DNM1L: variants seen among roughly 807,000 people sequenced by gnomAD.
DNM1L encodes dynamin-1-like protein.
A neutral mutation model predicts 92.8 loss-of-function variants in DNM1L; 33 were observed. The observed-to-expected ratio is 0.36, with a 90% CI of 0.27 to 0.48. The LOEUF (loss-of-function observed/expected upper bound fraction) is 0.48, where lower values mean the gene tolerates loss of function less well. DNM1L is among the 20% of genes least tolerant of loss of function. DNM1L has a pLI of 0.99. For missense variants in DNM1L, 485 were observed against 888.8 expected (o/e 0.55, Z 5.78); for synonymous variants, 284 against 305.0 (o/e 0.93, Z 0.72).
chr12:32,704,142 A>G (rs934374676), intron 2 of DNM1L, among the ~76,000 whole-genome samples: 1 of 152,190 alleles, frequency 6.6e-6, no homozygotes, highest in African/African-American at 2.4e-5. Context: ...TGTGCTATAT[A>G]TGATACTTCT....
chr12:32,739,774 AGAG>A (rs1359659248), intron 16 of DNM1L: 3 of 371,470 alleles, frequency 8.1e-6, no homozygotes, highest in African/African-American at 6.1e-5. Flanking sequence ...GGGTGGGAGA[AGAG>A]GAACGATTTT....
intron 1 of DNM1L, among the ~76,000 whole-genome samples, chr12:32,699,967 TAAATG>T (rs944535147): frequency 1.2e-4 from 17 of 144,500 alleles, no homozygotes; most frequent in Admixed American, 4.1e-4. Context: ...CAATTTAACT[TAAATG>T]AACTAAATCT....
chr12:32,708,774 T>C (rs372287380), intron 4 of DNM1L, among the ~76,000 whole-genome samples: 51 of 152,248 alleles, frequency 3.3e-4, no homozygotes, highest in East Asian at 1.9e-3. Flanking sequence ...AAGTAAGTTA[T>C]GTATCTAAGA....
At chr12:32,696,390 A>ACACG (rs1056796234) in intron 1 of DNM1L, among the ~76,000 whole-genome samples, 3 of 146,394 alleles carry the variant, frequency 2.0e-5, no homozygotes, top group African/African-American at 8.0e-5. Flanking sequence ...ACAAACACAC[A>ACACG]CACACACACA....
At chr12:32,681,936 G>A (rs904186100) in intron 1 of DNM1L, among the ~76,000 whole-genome samples, 2 of 151,986 alleles carry the variant, frequency 1.3e-5, no homozygotes, top group African/African-American at 4.8e-5. Flanking sequence ...TGAGGCTGCA[G>A]TGAGCTATGA....
chr12:32,743,362 A>G lies in DNM1L; in HGVS notation c.2163A>G (p.Gln721=). 6.2e-7 allele frequency: 1 copy of G among 1,613,960 alleles called. No individual in the cohort carries two copies. The change falls in exon 20 of 20, where the codon CAA becomes CAG. Residue 721 remains glutamine (Q), a synonymous_variant. Transcript: ENST00000549701. ...KEAADMLKAL[Q]GASQIIAEIR... Reference sequence around the variant, plus strand: ...TTTTTCCTTTAATGCAGGCATTACAAGGAGCCAGTCAAATTATTGCTGAAA... The same window carrying G: ...TTTTTCCTTTAATGCAGGCATTACAGGGAGCCAGTCAAATTATTGCTGAAA...
At chr12:32,707,994 C>CG (rs1308532702) in intron 3 of DNM1L, among the ~76,000 whole-genome samples, 159 bp from the exon 4 acceptor site, 1 of 151,086 alleles carries the variant, frequency 6.6e-6, no homozygotes, top group Non-Finnish European at 1.5e-5. Flanking sequence ...CATAAAAAAA[C>CG]TATAAATCCT....
intron 1 of DNM1L, among the ~76,000 whole-genome samples, chr12:32,684,571 C>T (rs1407679895): frequency 4.0e-5 from 6 of 151,864 alleles, no homozygotes; most frequent in East Asian, 1.9e-4. Context: ...CTTCACCTTC[C>T]GGGTTCAGGT....
At chr12:32,705,929 A>G (rs1212243401) in intron 2 of DNM1L, 10 of 1,397,586 alleles carry the variant, frequency 7.2e-6, no homozygotes, top group Middle Eastern at 1.8e-4. Context: ...CTTATGTACT[A>G]TTACAGGCTG....
intron 6 of DNM1L, among the ~76,000 whole-genome samples, chr12:32,713,785 G>A (rs1953238049): frequency 6.6e-6 from 1 of 152,072 alleles, no homozygotes; most frequent in Non-Finnish European, 1.5e-5. Flanking sequence ...TTCAAAGTCA[G>A]CCCGGGCAAC....
At chr12:32,702,494 T>C (rs1008136043) in intron 2 of DNM1L, among the ~76,000 whole-genome samples, 4 of 152,184 alleles carry the variant, frequency 2.6e-5, no homozygotes, top group African/African-American at 9.7e-5. Context: ...ATAGCTCTAA[T>C]TATTAAATTA....
In DNM1L at chr12:32,733,708, T is replaced by C; in HGVS notation, c.1447-7T>C. 1 of 1,613,186 alleles carries C rather than the reference T, an allele frequency of 6.2e-7. No individual in the cohort carries two copies. Among genetic ancestry groups the C allele is most frequent in the Non-Finnish European group, 8.5e-7 (1 of 1,179,318 alleles). On this transcript the variant is annotated splice_region_variant and splice_polypyrimidine_tract_variant and intron_variant, in intron 12 of 19. Coordinates refer to ENST00000549701, the MANE Select transcript of DNM1L (RefSeq NM_012062.5). The stretch of plus-strand genomic sequence containing the variant: ...TTTGTATATCGCCTAACTTACTTTT[T>C]TTCTAGGTCCATAACTTAGTGGCAA...
intron 8 of DNM1L, among the ~76,000 whole-genome samples, chr12:32,721,129 T>C (rs1191501419): frequency 6.6e-6 from 1 of 152,246 alleles, no homozygotes; most frequent in Non-Finnish European, 1.5e-5. Flanking sequence ...ATTTTCACAT[T>C]ATCTATTCTT....
In DNM1L at chr12:32,733,943, G is replaced by A; in HGVS notation, c.1539+136G>A. Reference sequence around the variant, plus strand: ...GTGCCTGCTGCATGTCAGGAAATATGCTGAGGGGATTACATTGTTTTCTTA... The same window carrying A: ...GTGCCTGCTGCATGTCAGGAAATATACTGAGGGGATTACATTGTTTTCTTA... On this transcript the variant is annotated intron_variant, in intron 13 of 19. Coordinates refer to ENST00000549701, the MANE Select transcript of DNM1L (RefSeq NM_012062.5). The A allele has an allele frequency of 4.0e-6, 3 of 744,012 alleles. No homozygotes were observed. In the East Asian group the frequency reaches 7.8e-5, roughly 19 times the overall value. 46.1% of individuals were successfully genotyped at this position (744,012 alleles called of 1,614,324 possible).
At chr12:32,685,032 C>A (rs552795988) in intron 1 of DNM1L, among the ~76,000 whole-genome samples, 47 of 151,784 alleles carry the variant, frequency 3.1e-4, no homozygotes, top group African/African-American at 1.1e-3. Flanking sequence ...CTCCGCCTCC[C>A]GGGTTTACGC....
At chr12:32,715,211 A>G (rs1361450462) in intron 6 of DNM1L, among the ~76,000 whole-genome samples, 1 of 151,376 alleles carries the variant, frequency 6.6e-6, no homozygotes, top group Non-Finnish European at 1.5e-5. Context: ...TTCCCACCTC[A>G]GTCTCCCAAA....
At chr12:32,729,479 A>T (rs985973142) in intron 9 of DNM1L, among the ~76,000 whole-genome samples, 2 of 152,184 alleles carry the variant, frequency 1.3e-5, no homozygotes, top group Non-Finnish European at 1.5e-5. Flanking sequence ...ACTTTGAGAC[A>T]GAGCCTCACT....
At chr12:32,711,499 G>C (rs1484833980) in intron 5 of DNM1L, among the ~76,000 whole-genome samples, 1 of 152,006 alleles carries the variant, frequency 6.6e-6, no homozygotes, top group Admixed American at 6.6e-5. Context: ...TCCTCAACTA[G>C]ATTTGGTATT....
At chr12:32,726,892 A>G in intron 9 of DNM1L, 1 of 666,256 alleles carries the variant, frequency 1.5e-6, no homozygotes. Flanking sequence ...TTTGTAAAAT[A>G]TTTACTGGGT....
Sources: allele counts gnomAD v4.1 joint callset (sites outside exome capture counted in the v4.1 genomes callset), GRCh38; gene constraint gnomAD v4.1.1; transcripts MANE v1.5; gene names NCBI Gene and HGNC (gene_info 2026-07-23, HGNC 2026-07-21).